RHBDL3: variants seen among roughly 807,000 people sequenced by gnomAD.
The protein encoded by RHBDL3 is rhomboid-related protein 3.
Under a neutral mutation model 48.2 loss-of-function variants are expected in RHBDL3, and 28 were observed. The ratio of observed to expected loss-of-function variants is 0.58; its 90% confidence interval spans 0.43 to 0.80. The LOEUF (loss-of-function observed/expected upper bound fraction) is 0.80, where lower values mean the gene tolerates loss of function less well. Ranked by LOEUF, RHBDL3 falls within the 30% of genes least tolerant of loss-of-function variation. RHBDL3 has a pLI of 0.00. For missense variants in RHBDL3, 464 were observed against 542.7 expected (o/e 0.85, Z 1.44); for synonymous variants, 208 against 232.3 (o/e 0.90, Z 0.95).
In RHBDL3 at chr17:32,265,921, C is replaced by T. The variant is rs1159708594; in HGVS notation, c.-269C>T. Among the ~76,000 whole-genome samples the T allele has an allele frequency of 6.8e-6, 1 of 146,574 alleles. No homozygotes were observed. Among genetic ancestry groups the T allele is most frequent in the Non-Finnish European group, 1.5e-5 (1 of 65,780 alleles). Reference sequence around the variant, plus strand: ...AGGGCGCCCTCGCCTCGGAGCCGGGCGCGAGGGCCGGGGCGGAGGCGGAGG... The same window carrying T: ...AGGGCGCCCTCGCCTCGGAGCCGGGTGCGAGGGCCGGGGCGGAGGCGGAGG... On this transcript the variant is annotated 5_prime_UTR_variant, in exon 1 of 9. Coordinates refer to ENST00000269051, the MANE Select transcript of RHBDL3 (RefSeq NM_138328.3).
intron 2 of RHBDL3, among the ~76,000 whole-genome samples, chr17:32,272,096 A>G (rs2039785837): frequency 6.6e-6 from 1 of 152,248 alleles, no homozygotes; most frequent in African/African-American, 2.4e-5. Flanking sequence ...GACTATGAGA[A>G]TTAAATGGAA....
chr17:32,278,253 G>A (rs1368185225), intron 2 of RHBDL3, among the ~76,000 whole-genome samples: 5 of 152,250 alleles, frequency 3.3e-5, no homozygotes, highest in East Asian at 3.9e-4. Flanking sequence ...AGCCAAGATC[G>A]CACCACTGCA....
Position 32,288,912 on chromosome 17 carries a change from G to A in RHBDL3, c.415G>A (p.Val139Met). The A allele has an allele frequency of 6.2e-7, 1 of 1,614,254 alleles. No individual in the cohort carries two copies. Among genetic ancestry groups the A allele is most frequent in the Non-Finnish European group, 8.5e-7 (1 of 1,180,054 alleles). Reference sequence around the variant, plus strand: ...CCTCTCGCAGCGACTTATCCGCCATGTGGCCTATGAGACCCTGCCCCGGGA... The same window carrying A: ...CCTCTCGCAGCGACTTATCCGCCATATGGCCTATGAGACCCTGCCCCGGGA... ...LSLSQRLIRH[V>M]AYETLPREID... Residue 139 changes from valine to methionine, a missense_variant, in exon 4 of 9, where the codon GTG becomes ATG. Transcript: ENST00000269051.
chr17:32,298,268 G>T, intron 6 of RHBDL3, 64 bp downstream of exon 6: 1 of 1,102,894 alleles, frequency 9.1e-7, no homozygotes, highest in Non-Finnish European at 1.4e-6. Context: ...GAGACCCTGT[G>T]GGGCGGGGCA....
At chr17:32,283,360 T>C (rs140840363) in intron 2 of RHBDL3, among the ~76,000 whole-genome samples, 1,555 of 147,640 alleles carry the variant, frequency 0.011, 23 homozygotes, top group African/African-American at 0.035. Context: ...CTCGCTGTGT[T>C]GCCCAGGCTG....
chr17:32,281,798 C>T (rs1567766804), intron 2 of RHBDL3, among the ~76,000 whole-genome samples: 1 of 152,192 alleles, frequency 6.6e-6, no homozygotes, highest in Non-Finnish European at 1.5e-5. Flanking sequence ...GGCTGTGAGA[C>T]TCATGGAGCC....
chr17:32,275,973 C>G (rs761773216), intron 2 of RHBDL3, among the ~76,000 whole-genome samples: 18 of 152,172 alleles, frequency 1.2e-4, no homozygotes, highest in Non-Finnish European at 1.2e-4. Context: ...TCTCTGAAAA[C>G]CCACTCCCAG....
chr17:32,320,730 C>T (rs1195769756), intron 8 of RHBDL3, among the ~76,000 whole-genome samples: 1 of 152,254 alleles, frequency 6.6e-6, no homozygotes, highest in East Asian at 1.9e-4. Context: ...ATAGATGTCT[C>T]TCTTCCTGAA....
chr17:32,269,523 A>G (rs1462436149), intron 2 of RHBDL3, among the ~76,000 whole-genome samples: 1 of 152,242 alleles, frequency 6.6e-6, no homozygotes, highest in Non-Finnish European at 1.5e-5. Flanking sequence ...GATCATCCAC[A>G]TTAACCACGA....
intron 1 of RHBDL3, 40 bp from the exon 2 acceptor site, chr17:32,267,862 T>C: frequency 1.2e-6 from 2 of 1,613,826 alleles, no homozygotes; most frequent in Non-Finnish European, 8.5e-7. Flanking sequence ...TTTCTTTCTC[T>C]CCTCTTCTTC....
In RHBDL3 at chr17:32,288,669, A is replaced by C. The variant is rs542709027; in HGVS notation, c.295-123A>C. 9.6e-5 allele frequency: 64 copies of C among 669,954 alleles called. No individual in the cohort carries two copies. In the African/African-American group the frequency reaches 9.8e-4, roughly 10 times the overall value. 41.5% of individuals were successfully genotyped at this position (669,954 alleles called of 1,614,324 possible). A position where few individuals can be genotyped will look rare whatever the true frequency, so the allele number is the denominator to read the frequency against. ...TTGGTGAATGTTGCTTCTTATTAAC[A>C]ATTATAGGAGAAAGGGAAATGCGGG... On this transcript the variant is annotated intron_variant, in intron 3 of 8. Coordinates refer to ENST00000269051, the MANE Select transcript of RHBDL3 (RefSeq NM_138328.3).
chr17:32,305,117 C>A (rs986810894), intron 6 of RHBDL3, among the ~76,000 whole-genome samples: 1 of 98,038 alleles, frequency 1.0e-5, no homozygotes, highest in African/African-American at 4.0e-5. Context: ...GACCTTGTCT[C>A]AAAAAGAAAG....
intron 2 of RHBDL3, chr17:32,280,884 C>G (rs2044205): frequency 0.14 from 21,319 of 153,138 alleles, 1,656 homozygotes; most frequent in Non-Finnish European, 0.17. Context: ...CTCTCTCCCC[C>G]ACGCCCCATA....
chr17:32,275,505 C>T (rs1214125993), intron 2 of RHBDL3, among the ~76,000 whole-genome samples: 1 of 152,184 alleles, frequency 6.6e-6, no homozygotes, highest in East Asian at 1.9e-4. Context: ...TCCCCCAACC[C>T]GTGCTGCCCA....
At chr17:32,317,976 A>G (rs2041015783) in intron 8 of RHBDL3, among the ~76,000 whole-genome samples, 1 of 151,960 alleles carries the variant, frequency 6.6e-6, no homozygotes, top group South Asian at 2.1e-4. Flanking sequence ...TGGGAGGCCA[A>G]GGTGGGAGGA....
At chr17:32,281,667 C>T (rs1293055366) in intron 2 of RHBDL3, among the ~76,000 whole-genome samples, 1 of 152,188 alleles carries the variant, frequency 6.6e-6, no homozygotes, top group Non-Finnish European at 1.5e-5. Flanking sequence ...AACAGACCCT[C>T]CCTGGCTGTG....
At chr17:32,279,795 T>TA (rs370800927) in intron 2 of RHBDL3, among the ~76,000 whole-genome samples, 73 of 152,240 alleles carry the variant, frequency 4.8e-4, no homozygotes, top group African/African-American at 1.6e-3. Flanking sequence ...TTGAATGAAC[T>TA]ACCCAAGATG....
chr17:32,289,841 C>T (rs901668804), intron 4 of RHBDL3, among the ~76,000 whole-genome samples: 2 of 152,278 alleles, frequency 1.3e-5, no homozygotes, highest in South Asian at 2.1e-4. Context: ...GCCTAATTAC[C>T]GCCTCTGCAT....
chr17:32,290,038 T>C (rs1487884414), intron 4 of RHBDL3, among the ~76,000 whole-genome samples: 1 of 152,192 alleles, frequency 6.6e-6, no homozygotes, highest in African/African-American at 2.4e-5. Context: ...ACTGTGCTGG[T>C]CTATTTATTA....
Sources: allele counts gnomAD v4.1 joint callset (sites outside exome capture counted in the v4.1 genomes callset), GRCh38; gene constraint gnomAD v4.1.1; transcripts MANE v1.5; gene names NCBI Gene and HGNC (gene_info 2026-07-23, HGNC 2026-07-21).